The following SLC16A14 variants were observed in gnomAD, a reference collection of about 807,000 sequenced individuals.
SLC16A14 encodes solute carrier family 16 member 14.
SLC16A14 carries 14 observed loss-of-function variants against 35.8 expected under a neutral mutation model. That is an observed-to-expected ratio of 0.39 (90% CI 0.26 to 0.61). SLC16A14 has a LOEUF of 0.61. Among genes scored for constraint, SLC16A14 ranks in the 20% least tolerant of loss-of-function variants. The pLI is 0.51. For missense variants in SLC16A14, 533 were observed against 655.0 expected (o/e 0.81, Z 2.03); for synonymous variants, 248 against 258.9 (o/e 0.96, Z 0.40).
intron 2 of SLC16A14, among the ~76,000 whole-genome samples, chr2:230,053,792 G>T (rs532787351): frequency 1.3e-3 from 199 of 152,142 alleles, no homozygotes; most frequent in African/African-American, 4.6e-3. Flanking sequence ...AAAAAAAAGT[G>T]TCCCACTGCT....
rs6728068 is a variant in SLC16A14 at position 230,060,978 on chromosome 2, A to T, written c.-14-1612T>A. ...GAGGAGGGCAGAGGTTGTGTAGGAG[A>T]CTTAATGCTCAGAATAATGGAAAAG... On this transcript the variant is annotated intron_variant, in intron 1 of 4. Coordinates refer to ENST00000295190, the MANE Select transcript of SLC16A14 (RefSeq NM_152527.5). 1.1e-3 allele frequency among the ~76,000 whole-genome samples: 162 copies of T among 152,108 alleles called. 1 individual carries two copies. Among genetic ancestry groups the T allele is most frequent in the African/African-American group, 3.3e-3 (135 of 41,452 alleles).
chr2:230,066,532 C>T lies in SLC16A14; in HGVS notation c.-15+2023G>A, dbSNP rs1313493396. The T allele has an allele frequency of 1.6e-5, 6 of 364,808 alleles. No homozygotes were observed. In the East Asian group the frequency reaches 5.2e-4, roughly 31 times the overall value. The allele number at this position is 364,808 out of a possible 1,614,324, so 22.6% of individuals were successfully genotyped here. A position where few individuals can be genotyped will look rare whatever the true frequency, so the allele number is the denominator to read the frequency against. Reference sequence around the variant, plus strand: ...TGAAACTGGGTCAGCTACATATTTACGTGATAATAGGCAGAAATGAAAATA... The same window carrying T: ...TGAAACTGGGTCAGCTACATATTTATGTGATAATAGGCAGAAATGAAAATA... On this transcript the variant is annotated intron_variant, in intron 1 of 4. Coordinates refer to ENST00000295190, the MANE Select transcript of SLC16A14 (RefSeq NM_152527.5).
At chr2:230,051,191 C>T (rs1247137947) in intron 2 of SLC16A14, among the ~76,000 whole-genome samples, 4 of 152,134 alleles carry the variant, frequency 2.6e-5, no homozygotes, top group African/African-American at 9.7e-5. Context: ...TACAGGGTCT[C>T]ACTGTGTCAT....
intron 1 of SLC16A14, among the ~76,000 whole-genome samples, chr2:230,060,452 C>T (rs56112952): frequency 0.29 from 44,765 of 151,862 alleles, 7,320 homozygotes; most frequent in African/African-American, 0.42. Flanking sequence ...CAAGGGATCT[C>T]CCACTTCAGC....
At chr2:230,059,964 C>T (rs1256628414) in intron 1 of SLC16A14, among the ~76,000 whole-genome samples, 1 of 152,210 alleles carries the variant, frequency 6.6e-6, no homozygotes, top group Non-Finnish European at 1.5e-5. Context: ...CAATGAAAGA[C>T]ATAGCTTTCT....
At chr2:230,066,545 AG>A (rs1222685564) in intron 1 of SLC16A14, 11 of 376,198 alleles carry the variant, frequency 2.9e-5, no homozygotes, top group Admixed American at 1.5e-4. Flanking sequence ...GATAATAGGC[AG>A]AAATGAAAAT....
intron 1 of SLC16A14, among the ~76,000 whole-genome samples, chr2:230,060,819 A>G (rs2077746800): frequency 6.6e-6 from 1 of 152,090 alleles, no homozygotes; most frequent in Non-Finnish European, 1.5e-5. Context: ...GGTCTTTATT[A>G]GGAAGAGAGA....
rs748349970 is a variant in SLC16A14, at chr2:230,046,256, G to A, written c.870C>T (p.Thr290=). The A allele has an allele frequency of 2.5e-6, 4 of 1,614,204 alleles. No individual in the cohort carries two copies. The highest frequency in any genetic ancestry group is 3.4e-6 in the Non-Finnish European group (4 of 1,180,038). Reference sequence around the variant, plus strand: ...CCTCGAAGCCCTTCCTGACTCTCATGGTGAGCCAGCTGACAGTCTTCAGAA... The same window carrying A: ...CCTCGAAGCCCTTCCTGACTCTCATAGTGAGCCAGCTGACAGTCTTCAGAA... The part of the protein sequence containing the change: ...LRILKTVSWL[T]MRVRKGFEDW... The change falls in exon 4 of 5, where the codon ACC becomes ACT. Residue 290 remains threonine, a synonymous_variant. Transcript: ENST00000295190. This position sits in a 1 kb window ranked among gnomAD's most constrained non-coding sequence, Gnocchi z 5.0.
At chr2:230,055,273 G>A (rs1215907037) in intron 2 of SLC16A14, among the ~76,000 whole-genome samples, 1 of 152,176 alleles carries the variant, frequency 6.6e-6, no homozygotes, top group Non-Finnish European at 1.5e-5. Flanking sequence ...CTAAATAAAG[G>A]AGAGCTGTTA....
In SLC16A14 at chr2:230,046,029, C is replaced by T; in HGVS notation, c.1097G>A (p.Gly366Glu). ...GGCTATGACGCCCAGGATCACTTTTCCAAAGATGTGAACTATTGCTATAAT... is the reference window on the plus strand; with the variant it reads ...GGCTATGACGCCCAGGATCACTTTTTCAAAGATGTGAACTATTGCTATAAT... ...TSIIAIVHIF[G>E]KVILGVIADL... Residue 366 changes from glycine to glutamate, a missense_variant, in exon 4 of 5, where the codon GGA becomes GAA. By Grantham distance (98) the Gly-to-Glu change is moderately conservative. Transcript: ENST00000295190. The surrounding 1 kb of genome is among the most constrained non-coding windows in gnomAD (Gnocchi z 5.0). 2 of 1,614,074 alleles carry T rather than the reference C, an allele frequency of 1.2e-6. No homozygotes were observed. Among genetic ancestry groups the T allele is most frequent in the Non-Finnish European group, 1.7e-6 (2 of 1,179,898 alleles).
intron 1 of SLC16A14, among the ~76,000 whole-genome samples, chr2:230,061,486 C>T (rs1314534708): frequency 6.6e-6 from 1 of 152,200 alleles, no homozygotes; most frequent in Admixed American, 6.5e-5. Flanking sequence ...GCAAAATCCA[C>T]ACCCACAACC....
Position 230,063,739 on chromosome 2 carries a change from A to G in SLC16A14, c.-14-4373T>C, listed in dbSNP as rs1308172733. Among the ~76,000 whole-genome samples the G allele has an allele frequency of 5.3e-5, 8 of 152,202 alleles. No individual in the cohort carries two copies. In the East Asian group the frequency reaches 1.5e-3, roughly 29 times the overall value. On this transcript the variant is annotated intron_variant, in intron 1 of 4. Coordinates refer to ENST00000295190, the MANE Select transcript of SLC16A14 (RefSeq NM_152527.5). ...GCAAAACAAAGAAAAATGTTGATGG[A>G]GATTATTCTTTGAATGATGGTCTTA...
At chr2:230,058,194 T>G (rs868090789) in intron 2 of SLC16A14, 1 of 144,046 alleles carries the variant, frequency 6.9e-6, no homozygotes, top group South Asian at 2.3e-4. Context: ...AGTTTGGGTC[T>G]AAATAAAGTT....
chr2:230,065,523 G>C (rs1360317882), intron 1 of SLC16A14, among the ~76,000 whole-genome samples: 1 of 152,160 alleles, frequency 6.6e-6, no homozygotes, highest in Non-Finnish European at 1.5e-5. Context: ...TCAAAGTGCT[G>C]GGATTACAGG....
intron 2 of SLC16A14, among the ~76,000 whole-genome samples, chr2:230,056,981 G>A (rs1423809012): frequency 6.6e-6 from 1 of 151,444 alleles, no homozygotes; most frequent in Non-Finnish European, 1.5e-5. Context: ...TCACTGAAAA[G>A]GCACAGATTC....
chr2:230,045,594 TA>T, intron 4 of SLC16A14, 150 bp downstream of exon 4: 1 of 881,194 alleles, frequency 1.1e-6, no homozygotes. Flanking sequence ...TTTAACTTGC[TA>T]AAATGTATAA....
intron 2 of SLC16A14, among the ~76,000 whole-genome samples, chr2:230,054,810 G>A (rs1003370879): frequency 4.0e-5 from 6 of 151,500 alleles, no homozygotes; most frequent in Non-Finnish European, 7.4e-5. Flanking sequence ...CAGGAGAATC[G>A]CTGGAACCCA....
Position 230,038,567 on chromosome 2 carries a change from T to C in SLC16A14, c.1382-1036A>G, listed in dbSNP as rs2077535835. Among the ~76,000 whole-genome samples, 1 of 152,238 alleles carries C rather than the reference T, an allele frequency of 6.6e-6. No homozygotes were observed. Among genetic ancestry groups the C allele is most frequent in the African/African-American group, 2.4e-5 (1 of 41,460 alleles). ...AATGTAAATTTTGAACATTCATTTT[T>C]TTCCCTTTTAGTAAGTACATTAATT... On this transcript the variant is annotated intron_variant, in intron 4 of 4. Transcript: ENST00000295190. This position sits in a 1 kb window ranked among gnomAD's most constrained non-coding sequence, Gnocchi z 4.4.
intron 2 of SLC16A14, among the ~76,000 whole-genome samples, chr2:230,052,918 C>A (rs1237690602): frequency 6.7e-6 from 1 of 149,264 alleles, no homozygotes; most frequent in East Asian, 1.9e-4. Context: ...TCCCCCCCTT[C>A]CTTCCCTTTC....
Sources: allele counts gnomAD v4.1 joint callset (sites outside exome capture counted in the v4.1 genomes callset), GRCh38; gene constraint gnomAD v4.1.1; non-coding constraint Gnocchi (gnomAD v3.1); transcripts MANE v1.5; gene names NCBI Gene and HGNC (gene_info 2026-07-23, HGNC 2026-07-21).